The following PARVB variants were observed in gnomAD, a reference collection of about 807,000 sequenced individuals.
The protein encoded by PARVB is parvin beta.
Under a neutral mutation model 47.0 loss-of-function variants are expected in PARVB, and 46 were observed. The observed-to-expected ratio is 0.98, with a 90% CI of 0.77 to 1.25. PARVB has a LOEUF of 1.25. Among genes scored for constraint, PARVB ranks in the 50% most tolerant of loss-of-function variants. The pLI is 0.00. For missense variants in PARVB, 473 were observed against 471.6 expected, an observed-to-expected ratio of 1.00 and a Z score of -0.03; for synonymous variants, 196 against 196.3, an observed-to-expected ratio of 1.00 and a Z score of 0.01.
At chr22:44,090,814 G>A (rs1246534935) in intron 1 of PARVB, among the ~76,000 whole-genome samples, 14 of 152,232 alleles carry the variant, frequency 9.2e-5, no homozygotes, top group Admixed American at 9.2e-4. Flanking sequence ...CTCCTATGAT[G>A]CCAGCCAGGA....
At chr22:44,151,637 G>T in intron 10 of PARVB, 86 bp downstream of exon 10, 1 of 1,049,908 alleles carries the variant, frequency 9.5e-7, no homozygotes, top group East Asian at 2.4e-5. Context: ...CGTGAACAAA[G>T]CTGGCGCCAT....
chr22:44,036,685 A>G (rs1408377741), intron 1 of PARVB, among the ~76,000 whole-genome samples: 1 of 152,182 alleles, frequency 6.6e-6, no homozygotes, highest in Non-Finnish European at 1.5e-5. Context: ...TAAGTTTAAT[A>G]GAAGGAGTGC....
At chr22:44,104,826 C>T (rs2052532544) in intron 3 of PARVB, 1 of 152,280 alleles carries the variant, frequency 6.6e-6, no homozygotes, top group South Asian at 2.1e-4. Context: ...CTTCTGACAC[C>T]AATGGCAAGT....
At chr22:44,043,986 C>T (rs1042411645) in intron 1 of PARVB, among the ~76,000 whole-genome samples, 7 of 152,050 alleles carry the variant, frequency 4.6e-5, no homozygotes, top group South Asian at 2.1e-4. Context: ...TGGTGCTGTA[C>T]GCAGATTGTC....
intron 1 of PARVB, among the ~76,000 whole-genome samples, chr22:44,065,769 C>G (rs2051506794): frequency 1.3e-5 from 2 of 152,158 alleles, no homozygotes; most frequent in African/African-American, 4.8e-5. Context: ...ATAATGGTCT[C>G]CAGTTCCATT....
intron 1 of PARVB, among the ~76,000 whole-genome samples, chr22:44,087,626 G>A (rs1005164411): frequency 1.3e-5 from 2 of 151,782 alleles, no homozygotes; most frequent in African/African-American, 2.4e-5. Flanking sequence ...ATCAAAAGGG[G>A]GAAAAAAAGC....
intron 1 of PARVB, among the ~76,000 whole-genome samples, chr22:44,063,718 C>G (rs370722140): frequency 6.6e-6 from 1 of 152,026 alleles, no homozygotes. Context: ...GTGGCCTGCT[C>G]GGTGCTGGGG....
intron 1 of PARVB, among the ~76,000 whole-genome samples, chr22:44,058,018 CT>C (rs1158973063): frequency 6.6e-6 from 1 of 152,170 alleles, no homozygotes; most frequent in Non-Finnish European, 1.5e-5. Context: ...TTCCCTGAAC[CT>C]CGGTTGCCTC....
intron 1 of PARVB, among the ~76,000 whole-genome samples, chr22:44,053,663 T>G (rs554571166): frequency 2.8e-4 from 42 of 152,264 alleles, no homozygotes; most frequent in Non-Finnish European, 4.3e-4. Flanking sequence ...TGGCATCAGA[T>G]CCCACAGGGT....
At chr22:44,032,516 C>T (rs547158980) in intron 1 of PARVB, among the ~76,000 whole-genome samples, 2 of 152,222 alleles carry the variant, frequency 1.3e-5, no homozygotes, top group African/African-American at 2.4e-5. Flanking sequence ...GAATGCCCGT[C>T]GCGGTGGTGC....
rs575219021 is a variant in PARVB at position 44,128,279 on chromosome 22, TGTGAAG to T, written c.377-3201_377-3196del. Reference sequence around the variant, plus strand: ...GTCACTCACGGGCACACCCTCTCCTTGTGAAGGTGAAGTTCTTCATCACATGTGTAC... The same window carrying T: ...GTCACTCACGGGCACACCCTCTCCTTGTGAAGTTCTTCATCACATGTGTAC... On this transcript the variant is annotated intron_variant, in intron 4 of 12. Coordinates refer to ENST00000338758, the MANE Select transcript of PARVB (RefSeq NM_013327.5). 6.0e-4 allele frequency among the ~76,000 whole-genome samples: 92 copies of T among 152,332 alleles called. 1 individual carries two copies. The South Asian group carries it at 0.018, about 29-fold the overall frequency.
At chr22:44,159,044 A>G (rs995548790) in intron 11 of PARVB, among the ~76,000 whole-genome samples, 4 of 151,364 alleles carry the variant, frequency 2.6e-5, no homozygotes, top group African/African-American at 9.7e-5. Context: ...GTCTTGGCAC[A>G]TGGAGTCCAT....
chr22:44,068,396 G>A lies in PARVB; in HGVS notation c.113-25532G>A, dbSNP rs781540596. Among the ~76,000 whole-genome samples, 4 of 152,198 alleles carry A rather than the reference G, an allele frequency of 2.6e-5. No individual in the cohort carries two copies. The highest frequency in any genetic ancestry group is 1.9e-4 in the East Asian group (1 of 5,188). ...TATAAACCAGGAGAGGGTTCAGGCC[G>A]AGGAAAGGGGGAGCAAGTTGCCGGC... On this transcript the variant is annotated intron_variant, in intron 1 of 12. Transcript: ENST00000338758. This position sits in a 1 kb window ranked among gnomAD's most constrained non-coding sequence, Gnocchi z 4.1.
At chr22:44,141,960 G>C (rs1268384328) in intron 8 of PARVB, 1 of 152,142 alleles carries the variant, frequency 6.6e-6, no homozygotes, top group Non-Finnish European at 1.5e-5. Context: ...GGGGTGAGGC[G>C]TCTCCCCACC....
At chr22:44,119,007 A>G (rs1028885406) in intron 3 of PARVB, 31 bp from the exon 4 acceptor site, 11 of 1,482,290 alleles carry the variant, frequency 7.4e-6, no homozygotes, top group Non-Finnish European at 8.5e-6. Flanking sequence ...GCGCTGGTGG[A>G]CTGAGGCCAT....
Position 44,049,219 on chromosome 22 carries a change from T to G in PARVB, c.112+24768T>G, listed in dbSNP as rs76667731. On this transcript the variant is annotated intron_variant, in intron 1 of 12. Transcript: ENST00000338758. The surrounding 1 kb of genome is among the most constrained non-coding windows in gnomAD (Gnocchi z 4.0). ...GTCTCTGGCTGAATGCACCTCTCAC[T>G]GAAGACATCTCCGGGTGGAAATGTT... is the stretch of plus-strand genomic sequence containing the variant. Among the ~76,000 whole-genome samples, 144 of 152,298 alleles carry G rather than the reference T, an allele frequency of 9.5e-4. 2 individuals are homozygous for G. In the East Asian group the frequency reaches 0.025, roughly 26 times the overall value.
intron 2 of PARVB, among the ~76,000 whole-genome samples, chr22:44,096,237 A>C (rs1175306007): frequency 6.6e-6 from 1 of 152,080 alleles, no homozygotes; most frequent in Non-Finnish European, 1.5e-5. Context: ...TAAAATAATA[A>C]AATAAAATAA....
chr22:44,098,922 G>A (rs747034897), intron 2 of PARVB, among the ~76,000 whole-genome samples: 7 of 152,040 alleles, frequency 4.6e-5, no homozygotes, highest in East Asian at 3.9e-4. Flanking sequence ...CAATCCTCCC[G>A]CCTCAGCCTC....
rs2147032981 is a variant in PARVB at position 44,089,946 on chromosome 22, G to T, written c.113-3982G>T. ...AGGAAGCCCTCCATGCTTCTCTGTGGAATAGGGGACCTCGCCTGCCTTGTG... is the reference window on the plus strand; with the variant it reads ...AGGAAGCCCTCCATGCTTCTCTGTGTAATAGGGGACCTCGCCTGCCTTGTG... On this transcript the variant is annotated intron_variant, in intron 1 of 12. Transcript: ENST00000338758. This position sits in a 1 kb window ranked among gnomAD's most constrained non-coding sequence, Gnocchi z 4.0. Among the ~76,000 whole-genome samples the T allele has an allele frequency of 6.6e-6, 1 of 152,290 alleles. No homozygotes were observed. Among genetic ancestry groups the T allele is most frequent in the Non-Finnish European group, 1.5e-5 (1 of 68,024 alleles).
Sources: allele counts gnomAD v4.1 joint callset (sites outside exome capture counted in the v4.1 genomes callset), GRCh38; gene constraint gnomAD v4.1.1; non-coding constraint Gnocchi (gnomAD v3.1); transcripts MANE v1.5; gene names NCBI Gene and HGNC (gene_info 2026-07-23, HGNC 2026-07-21).